Variants in COL19A1 observed in about 807,000 individuals in gnomAD.
The protein encoded by COL19A1 is collagen type XIX alpha 1 chain.
In COL19A1, 159 loss-of-function variants were observed where a neutral mutation model predicts 190.2. That is an observed-to-expected ratio of 0.84 (90% CI 0.73 to 0.95). The LOEUF is 0.95. COL19A1 is among the 40% of genes least tolerant of loss of function. COL19A1 has a pLI of 0.00. For missense variants in COL19A1, 1,418 were observed against 1,431.9 expected (o/e 0.99, Z 0.16); for synonymous variants, 509 against 458.9 (o/e 1.11, Z -1.39).
intron 10 of COL19A1, among the ~76,000 whole-genome samples, chr6:69,961,133 A>G (rs1209975872): frequency 1.3e-5 from 2 of 152,192 alleles, no homozygotes; most frequent in Admixed American, 1.3e-4. Context: ...AGCCAAGCAT[A>G]TCATTTCTGT....
intron 11 of COL19A1, among the ~76,000 whole-genome samples, chr6:69,997,012 T>TAC (rs1479193218): frequency 3.6e-4 from 30 of 82,528 alleles, no homozygotes; most frequent in African/African-American, 1.6e-3. Context: ...TGTTTATATA[T>TAC]ACATATATAT....
intron 15 of COL19A1, among the ~76,000 whole-genome samples, chr6:70,094,318 T>C (rs1783107952): frequency 6.6e-6 from 1 of 152,194 alleles, no homozygotes; most frequent in African/African-American, 2.4e-5. Context: ...CACAGTTGTG[T>C]GTGCCAGTCA....
chr6:70,060,488 C>T (rs995237481), intron 14 of COL19A1, among the ~76,000 whole-genome samples: 1 of 147,838 alleles, frequency 6.8e-6, no homozygotes, highest in Non-Finnish European at 1.5e-5. Context: ...TCATCTGTAT[C>T]TACAGCCACT....
chr6:70,138,212 A>G (rs1304235950), intron 19 of COL19A1, among the ~76,000 whole-genome samples: 1 of 152,160 alleles, frequency 6.6e-6, no homozygotes, highest in Non-Finnish European at 1.5e-5. Context: ...TTCTGCTCAA[A>G]CAACTGTTCT....
intron 11 of COL19A1, among the ~76,000 whole-genome samples, chr6:69,968,029 A>G (rs1288355406): frequency 1.3e-5 from 2 of 152,222 alleles, no homozygotes; most frequent in Non-Finnish European, 2.9e-5. Flanking sequence ...ATCACCAGTC[A>G]ACATCAGCTA....
chr6:70,023,466 T>C (rs901135201), intron 11 of COL19A1, among the ~76,000 whole-genome samples, 161 bp from the exon 12 acceptor site: 2 of 152,152 alleles, frequency 1.3e-5, no homozygotes, highest in African/African-American at 4.8e-5. Flanking sequence ...TAAACTTCTG[T>C]TTGGTTTTAC....
Position 69,952,403 on chromosome 6 carries a change from C to G in COL19A1, c.937-7593C>G, listed in dbSNP as rs77024818. On this transcript the variant is annotated intron_variant, in intron 9 of 50. Transcript: ENST00000620364. ...TGCAACACCTAATGTAGAAATTTTT[C>G]TCTTACATTCTCCACCAAATAAATA... Among the ~76,000 whole-genome samples, 1,207 of 151,906 alleles carry G rather than the reference C, an allele frequency of 7.9e-3. 11 individuals carry two copies. Among genetic ancestry groups the G allele is most frequent in the East Asian group, 0.05 (259 of 5,168 alleles).
chr6:70,144,793 G>A, intron 24 of COL19A1, 125 bp from the exon 25 acceptor site: 1 of 681,912 alleles, frequency 1.5e-6, no homozygotes, highest in Non-Finnish European at 2.6e-6. Flanking sequence ...GTGAGTGAGT[G>A]AGTGAGTGAA....
chr6:70,091,016 C>A (rs1782895378), intron 15 of COL19A1, among the ~76,000 whole-genome samples: 1 of 152,178 alleles, frequency 6.6e-6, no homozygotes, highest in Admixed American at 6.6e-5. Flanking sequence ...TGAGGGCTTC[C>A]CTGATTTTTC....
At chr6:69,887,432 A>C (rs1769020120) in intron 2 of COL19A1, among the ~76,000 whole-genome samples, 1 of 152,302 alleles carries the variant, frequency 6.6e-6, no homozygotes. Context: ...CACACACCAA[A>C]GTTGACAAAT....
At chr6:70,113,962 T>C (rs1784421792) in intron 16 of COL19A1, among the ~76,000 whole-genome samples, 2 of 149,568 alleles carry the variant, frequency 1.3e-5, no homozygotes, top group Non-Finnish European at 3.0e-5. Flanking sequence ...GCAATTCTCC[T>C]GCCTCAGCTT....
intron 3 of COL19A1, among the ~76,000 whole-genome samples, chr6:69,899,767 G>A (rs576421422): frequency 6.6e-6 from 1 of 152,084 alleles, no homozygotes; most frequent in East Asian, 1.9e-4. Flanking sequence ...TAATGAGTGT[G>A]TGACACACAC....
intron 12 of COL19A1, among the ~76,000 whole-genome samples, chr6:70,027,502 C>T (rs188295774): frequency 6.6e-6 from 1 of 152,038 alleles, no homozygotes; most frequent in Admixed American, 6.5e-5. Flanking sequence ...CAGTAGCAGC[C>T]CCTAGTCATT....
At chr6:70,123,476 A>C (rs1273575954) in intron 17 of COL19A1, among the ~76,000 whole-genome samples, 1 of 150,960 alleles carries the variant, frequency 6.6e-6, no homozygotes, top group Non-Finnish European at 1.5e-5. Context: ...CCAATGGACT[A>C]TAAATCATGC....
intron 2 of COL19A1, among the ~76,000 whole-genome samples, chr6:69,898,060 C>G (rs1191575827): frequency 6.6e-6 from 1 of 151,380 alleles, no homozygotes; most frequent in South Asian, 2.1e-4. Flanking sequence ...AGTTTATCTC[C>G]TCTCTATATT....
At chr6:70,056,708 G>C (rs1780522504) in intron 14 of COL19A1, among the ~76,000 whole-genome samples, 1 of 151,908 alleles carries the variant, frequency 6.6e-6, no homozygotes, top group Admixed American at 6.6e-5. Context: ...GGATGCTTCT[G>C]GCAGAAAGGA....
chr6:70,046,549 A>G (rs1387382553), intron 14 of COL19A1, among the ~76,000 whole-genome samples: 1 of 152,124 alleles, frequency 6.6e-6, no homozygotes, highest in Admixed American at 6.6e-5. Flanking sequence ...AGTGCTGGCC[A>G]ATTAGAATAA....
intron 15 of COL19A1, chr6:70,098,342 T>C (rs1783413190): frequency 6.5e-6 from 3 of 462,962 alleles, no homozygotes; most frequent in Non-Finnish European, 1.3e-5. Context: ...AGTTAGCTCC[T>C]TTTTTAAAAA....
chr6:70,127,098 C>G (rs1785246379), intron 17 of COL19A1, among the ~76,000 whole-genome samples: 1 of 152,094 alleles, frequency 6.6e-6, no homozygotes, highest in South Asian at 2.1e-4. Context: ...TGACTAGTTT[C>G]TGGCCAGACA....
Sources: allele counts gnomAD v4.1 joint callset (sites outside exome capture counted in the v4.1 genomes callset), GRCh38; gene constraint gnomAD v4.1.1; transcripts MANE v1.5; gene names NCBI Gene and HGNC (gene_info 2026-07-23, HGNC 2026-07-21).